RSU1: variants seen among roughly 807,000 people sequenced by gnomAD.
RSU1 encodes Ras suppressor protein 1, also known as rsu-1.
A neutral mutation model predicts 31.1 loss-of-function variants in RSU1; 26 were observed. That is an observed-to-expected ratio of 0.84 (90% CI 0.61 to 1.16). RSU1 has a LOEUF of 1.16. Ranked by LOEUF, RSU1 falls within the 50% of genes most tolerant of loss-of-function variation. RSU1 has a pLI of 0.00. For missense variants in RSU1, 320 were observed against 339.1 expected, an observed-to-expected ratio of 0.94 and a Z score of 0.44; for synonymous variants, 164 against 136.3, an observed-to-expected ratio of 1.20 and a Z score of -1.41.
At chr10:16,692,656 C>A (rs1251292109) in intron 8 of RSU1, among the ~76,000 whole-genome samples, 1 of 152,124 alleles carries the variant, frequency 6.6e-6, no homozygotes, top group African/African-American at 2.4e-5. Flanking sequence ...GATAAACAAT[C>A]ATCTGCTAAT....
intron 7 of RSU1, among the ~76,000 whole-genome samples, chr10:16,743,305 T>C (rs1163107747): frequency 6.6e-6 from 1 of 152,140 alleles, no homozygotes; most frequent in African/African-American, 2.4e-5. Flanking sequence ...ATTAGGAAGA[T>C]CTGAACTAAA....
intron 8 of RSU1, among the ~76,000 whole-genome samples, chr10:16,621,218 G>A (rs1381150225): frequency 6.6e-6 from 1 of 152,146 alleles, no homozygotes; most frequent in Non-Finnish European, 1.5e-5. Flanking sequence ...TTGGCATCTA[G>A]CAGGTGGAGA....
intron 7 of RSU1, among the ~76,000 whole-genome samples, chr10:16,738,242 C>T (rs781084594): frequency 3.3e-5 from 5 of 151,974 alleles, no homozygotes; most frequent in Admixed American, 6.6e-5. Context: ...GTCAGCAGAT[C>T]GAGACCATCC....
intron 7 of RSU1, among the ~76,000 whole-genome samples, chr10:16,742,679 G>A (rs1216779434): frequency 6.6e-6 from 1 of 151,842 alleles, no homozygotes; most frequent in Admixed American, 6.6e-5. Flanking sequence ...AATACATTTA[G>A]CATCCTATTA....
chr10:16,746,568 C>A (rs908919229), intron 7 of RSU1, among the ~76,000 whole-genome samples: 1 of 151,918 alleles, frequency 6.6e-6, no homozygotes, highest in Non-Finnish European at 1.5e-5. Flanking sequence ...AGATCTTCAG[C>A]TCACACAACA....
rs1838551614 is a variant in RSU1, at chr10:16,817,028, G to A, written c.54C>T (p.Pro18=). The change falls in exon 2 of 9, where the codon CCC becomes CCT. Residue 18 remains proline, a synonymous_variant. Transcript: ENST00000345264. The stretch of plus-strand genomic sequence containing the variant: ...TGCCCCGGTCACTCATGTCCACCTC[G>A]GGCTGGTTCTTCTCCCGGCTCTCCT... ...LVEESREKNQ[P]EVDMSDRGIS... 1.9e-6 allele frequency: 3 copies of A among 1,614,210 alleles called. No individual in the cohort carries two copies. The highest frequency in any genetic ancestry group is 2.2e-5 in the South Asian group (2 of 91,084).
At position 16,592,913 on chromosome 10, in the gene RSU1, T is replaced by C. The variant is rs12263516; in HGVS notation, c.*481A>G. 1,794 of 153,650 alleles carry C rather than the reference T, an allele frequency of 0.012. 35 individuals carry two copies. The highest frequency in any genetic ancestry group is 0.04 in the African/African-American group (1,674 of 41,496). The allele number at this position is 153,650 out of a possible 1,614,324, so 9.5% of individuals were successfully genotyped here. A position where few individuals can be genotyped will look rare whatever the true frequency, so the allele number is the denominator to read the frequency against. On this transcript the variant is annotated 3_prime_UTR_variant, in exon 9 of 9. Coordinates refer to ENST00000345264, the MANE Select transcript of RSU1 (RefSeq NM_012425.4). ...TTCTGAGTCAATAAGTAACATGTGA[T>C]ACAAACTCAAGATTTTATTAAAATC... is the stretch of plus-strand genomic sequence containing the variant.
At chr10:16,636,218 C>T (rs1834342735) in intron 8 of RSU1, among the ~76,000 whole-genome samples, 1 of 152,214 alleles carries the variant, frequency 6.6e-6, no homozygotes, top group Non-Finnish European at 1.5e-5. Context: ...AATATCTCCA[C>T]TTAGATATCT....
chr10:16,663,963 C>T (rs1834937629), intron 8 of RSU1, among the ~76,000 whole-genome samples: 2 of 152,040 alleles, frequency 1.3e-5, no homozygotes, highest in African/African-American at 4.8e-5. Context: ...GTGACGGGTA[C>T]AGGGGCATTT....
intron 8 of RSU1, among the ~76,000 whole-genome samples, chr10:16,691,102 G>A (rs1387393983): frequency 6.6e-6 from 1 of 151,882 alleles, no homozygotes; most frequent in Non-Finnish European, 1.5e-5. Context: ...AAAAAACTAT[G>A]AGTATCATGA....
At chr10:16,643,054 G>T (rs550342023) in intron 8 of RSU1, among the ~76,000 whole-genome samples, 12 of 152,320 alleles carry the variant, frequency 7.9e-5, no homozygotes, top group Middle Eastern at 3.4e-3. Context: ...ATAATGATGG[G>T]ATTTGTAAAA....
intron 8 of RSU1, among the ~76,000 whole-genome samples, chr10:16,672,595 T>C (rs1279527207): frequency 6.7e-6 from 1 of 148,802 alleles, no homozygotes; most frequent in Non-Finnish European, 1.5e-5. Context: ...ATACTTATGC[T>C]GAATGAAAGG....
intron 3 of RSU1, among the ~76,000 whole-genome samples, chr10:16,773,799 G>A (rs921431312): frequency 3.3e-5 from 5 of 152,006 alleles, no homozygotes; most frequent in Admixed American, 2.0e-4. Context: ...TGAAAAGGAG[G>A]GCTTCACAGA....
intron 7 of RSU1, among the ~76,000 whole-genome samples, chr10:16,737,321 T>C (rs1836647678): frequency 6.6e-6 from 1 of 151,774 alleles, no homozygotes; most frequent in South Asian, 2.1e-4. Context: ...ACATGTTACA[T>C]GAGAAACTGC....
At chr10:16,726,989 A>G in intron 7 of RSU1, 1 of 447,484 alleles carries the variant, frequency 2.2e-6, no homozygotes, top group South Asian at 1.6e-5. Context: ...CATTATCAAA[A>G]GCAACACTCT....
chr10:16,715,121 T>A (rs192150103), intron 7 of RSU1, among the ~76,000 whole-genome samples: 1 of 152,338 alleles, frequency 6.6e-6, no homozygotes. Context: ...GGAAGTTTGC[T>A]GCTCCCCTAG....
intron 3 of RSU1, among the ~76,000 whole-genome samples, chr10:16,775,865 T>G (rs960524447): frequency 6.6e-6 from 1 of 152,194 alleles, no homozygotes; most frequent in Non-Finnish European, 1.5e-5. Context: ...TTTAAAAAAA[T>G]AAGTTATTGA....
intron 3 of RSU1, among the ~76,000 whole-genome samples, chr10:16,778,656 G>A (rs528281188): frequency 6.6e-6 from 1 of 152,320 alleles, no homozygotes; most frequent in East Asian, 1.9e-4. Context: ...CAGCCAGGGG[G>A]CCCCCAGGGG....
At chr10:16,689,726 A>G (rs771741171) in intron 8 of RSU1, among the ~76,000 whole-genome samples, 7 of 152,222 alleles carry the variant, frequency 4.6e-5, no homozygotes, top group Admixed American at 1.3e-4. Flanking sequence ...TAATATGAAT[A>G]ATAGTATGGC....
Sources: gnomAD v4.1 joint callset for allele counts (sites outside exome capture counted in the v4.1 genomes callset) on GRCh38, gnomAD v4.1.1 for gene constraint, MANE v1.5 for transcripts, NCBI Gene and HGNC (gene_info 2026-07-23, HGNC 2026-07-21) for gene names.